Variants in GK observed in about 807,000 individuals in gnomAD.
GK encodes the protein glycerol kinase, also known as ATP:glycerol 3-phosphotransferase.
A neutral mutation model predicts 56.4 loss-of-function variants in GK; 9 were observed. The ratio of observed to expected loss-of-function variants is 0.16; its 90% CI spans 0.10 to 0.28. GK has a LOEUF of 0.28. GK is among the 10% of genes least tolerant of loss of function. GK has a pLI of 1.00. For missense variants in GK, 161 were observed against 431.4 expected (o/e 0.37, Z 5.55); for synonymous variants, 104 against 144.1 (o/e 0.72, Z 1.99).
At chrX:30,728,078 G>A (rs1031784421) in intron 20 of GK, among the ~76,000 whole-genome samples, 5 of 111,491 alleles carry the variant, frequency 4.5e-5, no homozygotes, top group African/African-American at 1.6e-4. Flanking sequence ...TTTATGAACT[G>A]AAGTTTTAAA....
Position 30,720,956 on chromosome X carries a change from G to A in GK, c.1462G>A (p.Val488Ile), listed in dbSNP as rs768478671. 7 of 1,208,969 alleles carry A rather than the reference G, an allele frequency of 5.8e-6. No homozygotes were observed. The highest frequency in any genetic ancestry group is 4.4e-5 in the Admixed American group (2 of 45,788). The change falls in exon 18 of 21, where the codon GTC becomes ATC. Residue 488 changes from valine to isoleucine, a missense_variant. Coordinates refer to ENST00000427190, the MANE Select transcript of GK (RefSeq NM_001205019.2). ...WSLEPEDLSA[V>I]TMERFEPQIN... Reference sequence around the variant, plus strand: ...TCTCGAACCCGAGGATTTGTCTGCCGTCACGATGGAGCGGTTTGAACCTCA... The same window carrying A: ...TCTCGAACCCGAGGATTTGTCTGCCATCACGATGGAGCGGTTTGAACCTCA...
At chrX:30,691,898 CT>C (rs1379424118) in intron 5 of GK, among the ~76,000 whole-genome samples, 21 of 111,249 alleles carry the variant, frequency 1.9e-4, no homozygotes. Context: ...TATTGAACCC[CT>C]CTTCCACTTT....
At chrX:30,678,649 T>TTAGTA (rs1428453838) in intron 4 of GK, among the ~76,000 whole-genome samples, 2 of 108,277 alleles carry the variant, frequency 1.8e-5, no homozygotes, top group East Asian at 5.7e-4. Flanking sequence ...AAAGATCCTT[T>TTAGTA]TAGTACATCT....
intron 2 of GK, 29 bp from the exon 3 acceptor site, chrX:30,667,983 A>G (rs1933196974): frequency 5.1e-6 from 4 of 787,072 alleles, no homozygotes; most frequent in Non-Finnish European, 7.9e-6. Context: ...TTGCTTTCTT[A>G]CTAACCAAAT....
At chrX:30,680,897 C>G (rs1934245220) in intron 4 of GK, among the ~76,000 whole-genome samples, 1 of 111,394 alleles carries the variant, frequency 9.0e-6, no homozygotes, top group African/African-American at 3.3e-5. Flanking sequence ...GAAAATAAAC[C>G]AACCCTCACA....
intron 1 of GK, among the ~76,000 whole-genome samples, chrX:30,660,250 A>G (rs972298114): frequency 7.2e-5 from 8 of 110,694 alleles, no homozygotes; most frequent in African/African-American, 9.9e-5. Flanking sequence ...CAGTGACAGT[A>G]GTGGTTACAT....
intron 1 of GK, among the ~76,000 whole-genome samples, chrX:30,663,544 C>G (rs894940682): frequency 3.2e-4 from 36 of 111,083 alleles, no homozygotes; most frequent in Admixed American, 1.6e-3. Flanking sequence ...AGGGCTATCA[C>G]ATGGTGTATG....
In GK at chrX:30,659,554, A is replaced by G. The variant is rs113373664; in HGVS notation, c.78+5939A>G. ...ACATGGTAAAGTTTAGTGTGTCATA[A>G]AAGAGTAGACTAGTGGGGAAATCAC... On this transcript the variant is annotated intron_variant, in intron 1 of 20. Transcript: ENST00000427190. Among the ~76,000 whole-genome samples, 916 of 111,432 alleles carry G rather than the reference A, an allele frequency of 8.2e-3. 4 individuals carry two copies. Among genetic ancestry groups the G allele is most frequent in the Non-Finnish European group, 0.014 (754 of 53,087 alleles).
intron 1 of GK, among the ~76,000 whole-genome samples, chrX:30,656,472 T>G (rs2147118532): frequency 8.9e-6 from 1 of 112,032 alleles, no homozygotes. Flanking sequence ...AGAAAAGGCT[T>G]TATCTGTGCT....
At chrX:30,679,927 A>G (rs1934187627) in intron 4 of GK, among the ~76,000 whole-genome samples, 1 of 112,170 alleles carries the variant, frequency 8.9e-6, no homozygotes, top group Non-Finnish European at 1.9e-5. Context: ...TTGATAAATC[A>G]TGTGTTGATA....
At chrX:30,662,163 C>CTAGATTT (rs1555910481) in intron 1 of GK, among the ~76,000 whole-genome samples, 2 of 110,905 alleles carry the variant, frequency 1.8e-5, no homozygotes, top group African/African-American at 6.6e-5. Context: ...AAAATATATA[C>CTAGATTT]CAAAGACTTA....
intron 15 of GK, 39 bp from the exon 16 acceptor site, chrX:30,719,972 A>G (rs376587557): frequency 6.5e-5 from 57 of 879,923 alleles, no homozygotes; most frequent in Non-Finnish European, 9.1e-5. Flanking sequence ...TGATTGGTTT[A>G]TATCATTCTA....
At chrX:30,685,474 T>C (rs968235704) in intron 4 of GK, among the ~76,000 whole-genome samples, 1 of 112,077 alleles carries the variant, frequency 8.9e-6, no homozygotes, top group Non-Finnish European at 1.9e-5. Context: ...GGAGAAGGTT[T>C]TTCACTTTTG....
At chrX:30,680,003 A>G (rs1306432258) in intron 4 of GK, among the ~76,000 whole-genome samples, 1 of 111,951 alleles carries the variant, frequency 8.9e-6, no homozygotes, top group African/African-American at 3.2e-5. Flanking sequence ...TACTTTTCAC[A>G]GTGGAGGTTG....
rs1601962347 is a variant in GK, at chrX:30,728,903, G to C, written c.*161G>C. 2.2e-6 allele frequency: 1 copy of C among 452,326 alleles called. No homozygotes were observed. The highest frequency in any genetic ancestry group is 3.6e-5 in the East Asian group (1 of 28,026). 37.3% of individuals were successfully genotyped at this position (452,326 alleles called of 1,213,427 possible). On this transcript the variant is annotated 3_prime_UTR_variant, in exon 21 of 21. Coordinates refer to ENST00000427190, the MANE Select transcript of GK (RefSeq NM_001205019.2). ...AAGTAGACCTGTGGCTTAAAATAAA[G>C]AAAATGCAGCAAAAAGAATGCTATA...
chrX:30,687,239 A>G (rs1209438046), intron 4 of GK, among the ~76,000 whole-genome samples: 2 of 111,470 alleles, frequency 1.8e-5, no homozygotes, highest in Non-Finnish European at 3.8e-5. Flanking sequence ...CACTTTTCTA[A>G]TTAGGATGCA....
At position 30,708,043 on chromosome X, in the gene GK, C is replaced by A; in HGVS notation, c.895-11C>A. 1 of 1,052,566 alleles carries A rather than the reference C, an allele frequency of 9.5e-7. No individual in the cohort carries two copies. The highest frequency in any genetic ancestry group is 1.3e-6 in the Non-Finnish European group (1 of 769,809). The allele number at this position is 1,052,566 out of a possible 1,213,427, so 86.7% of individuals were successfully genotyped here. The stretch of plus-strand genomic sequence containing the variant: ...TCCACTACTGAAATCTTTTTTTTTT[C>A]TTTCTTACAGTGTGTATTTTCTGAT... On this transcript the variant is annotated splice_polypyrimidine_tract_variant and intron_variant, in intron 12 of 20. Transcript: ENST00000427190.
intron 1 of GK, among the ~76,000 whole-genome samples, chrX:30,655,094 T>G (rs1295118282): frequency 2.7e-5 from 3 of 112,168 alleles, no homozygotes; most frequent in Non-Finnish European, 3.8e-5. Flanking sequence ...TTGGTTTGAA[T>G]CTTATTTAAT....
Position 30,718,520 on chromosome X carries a change from A to ATTCCT in GK, c.976-15_976-11dup. 1 of 1,099,483 alleles carries ATTCCT rather than the reference A, an allele frequency of 9.1e-7. No individual in the cohort carries two copies. Among genetic ancestry groups the ATTCCT allele is most frequent in the Non-Finnish European group, 1.3e-6 (1 of 794,265 alleles). The allele number at this position is 1,099,483 out of a possible 1,213,427, so 90.6% of individuals were successfully genotyped here. On this transcript the variant is annotated splice_polypyrimidine_tract_variant and intron_variant, in intron 13 of 20. Coordinates refer to ENST00000427190, the MANE Select transcript of GK (RefSeq NM_001205019.2). ...AGTGATAAAATATATTCTGTCTTGA[A>ATTCCT]TTCCTTTTTTTCTTTAGGGTTCTGT...
Sources: allele counts gnomAD v4.1 joint callset (sites outside exome capture counted in the v4.1 genomes callset), GRCh38; gene constraint gnomAD v4.1.1; transcripts MANE v1.5; gene names NCBI Gene and HGNC (gene_info 2026-07-23, HGNC 2026-07-21).